Variants in DYSF observed in about 807,000 individuals in gnomAD.
DYSF encodes dysferlin.
In DYSF, 212 loss-of-function variants were observed where a neutral mutation model predicts 274.9. The observed-to-expected ratio is 0.77, with a 90% CI of 0.69 to 0.86. The LOEUF (loss-of-function observed/expected upper bound fraction) is 0.86, where lower values mean the gene tolerates loss of function less well. Among genes scored for constraint, DYSF ranks in the 40% least tolerant of loss-of-function variants. DYSF has a pLI of 0.00. For synonymous variants in DYSF, 1,091 were observed against 1,078.7 expected (o/e 1.01, Z -0.22); for missense variants, 2,666 against 2,783.2 (o/e 0.96, Z 0.95).
chr2:71,474,052 G>A (rs959212295), intron 1 of DYSF, among the ~76,000 whole-genome samples: 5 of 149,972 alleles, frequency 3.3e-5, no homozygotes, highest in Admixed American at 6.7e-5. Flanking sequence ...TCAGCCTCCC[G>A]AGTAGCTGGG....
chr2:71,647,240 A>T (rs1199756449), intron 42 of DYSF, among the ~76,000 whole-genome samples: 1 of 152,220 alleles, frequency 6.6e-6, no homozygotes, highest in Non-Finnish European at 1.5e-5. Flanking sequence ...ATGAAATTAA[A>T]GTTATAGCTT....
intron 1 of DYSF, among the ~76,000 whole-genome samples, chr2:71,473,341 C>CT (rs1308921880): frequency 1.3e-5 from 2 of 152,220 alleles, no homozygotes; most frequent in Non-Finnish European, 2.9e-5. Context: ...ATTTCTGTCA[C>CT]TTTCTTGGTC....
In DYSF at chr2:71,669,757, T is replaced by G; in HGVS notation, c.5784+11T>G. Reference sequence around the variant, plus strand: ...ACCATTGCCAAGAAGGTCAGTGTCCTTCCGATTCCCTGTGGTGCCAGCACC... The same window carrying G: ...ACCATTGCCAAGAAGGTCAGTGTCCGTCCGATTCCCTGTGGTGCCAGCACC... On this transcript the variant is annotated intron_variant, in intron 51 of 55. Coordinates refer to ENST00000410020, the MANE Select transcript of DYSF (RefSeq NM_001130987.2). The G allele has an allele frequency of 6.2e-7, 1 of 1,614,182 alleles. No homozygotes were observed. Among genetic ancestry groups the G allele is most frequent in the Non-Finnish European group, 8.5e-7 (1 of 1,180,024 alleles).
intron 51 of DYSF, among the ~76,000 whole-genome samples, chr2:71,670,420 C>T (rs1470799825): frequency 6.6e-6 from 1 of 152,232 alleles, no homozygotes; most frequent in Non-Finnish European, 1.5e-5. Context: ...ATGGTGTCCA[C>T]AGGATTGGGA....
In DYSF at chr2:71,555,965, G is replaced by A. The variant is rs529981096; in HGVS notation, c.2110G>A (p.Glu704Lys). The A allele has an allele frequency of 1.3e-6, 2 of 1,558,546 alleles. No individual in the cohort carries two copies. Among genetic ancestry groups the A allele is most frequent in the South Asian group, 2.4e-5 (2 of 84,598 alleles). ...NQLLGIADRL[E>K]AGLEQVHLAL... Reference sequence around the variant, plus strand: ...TGACCCTTGCCTGCCCATTCCACAGGAAGCTGGCCTGGAGCAGGTCCACCT... The same window carrying A: ...TGACCCTTGCCTGCCCATTCCACAGAAAGCTGGCCTGGAGCAGGTCCACCT... The change falls in exon 22 of 56, where the codon GAA becomes AAA. Residue 704 changes from glutamate to lysine, a missense_variant and splice_region_variant. Glu to Lys is a moderately conservative substitution (Grantham distance 56). Transcript: ENST00000410020.
intron 26 of DYSF, 134 bp downstream of exon 26, chr2:71,568,472 T>A: frequency 8.2e-7 from 1 of 1,219,640 alleles, no homozygotes; most frequent in Non-Finnish European, 1.2e-6. Flanking sequence ...GAACTTCCGC[T>A]GAACTCTCCC....
intron 1 of DYSF, among the ~76,000 whole-genome samples, chr2:71,468,844 C>A (rs2081743715): frequency 6.6e-6 from 1 of 152,202 alleles, no homozygotes; most frequent in African/African-American, 2.4e-5. Context: ...AGAGCAGTGA[C>A]CTGTCCTATT....
intron 30 of DYSF, 116 bp downstream of exon 30, chr2:71,574,487 G>A (rs1259131635): frequency 1.1e-5 from 14 of 1,295,992 alleles, no homozygotes; most frequent in South Asian, 5.8e-5. Context: ...TGGATGGAAC[G>A]CTGGCTGGTC....
chr2:71,665,383 A>G (rs1436887621), intron 47 of DYSF, 79 bp downstream of exon 47: 2 of 1,593,186 alleles, frequency 1.3e-6, no homozygotes, highest in Non-Finnish European at 1.7e-6. Context: ...CTGCTACCAT[A>G]AAAGACCCAA....
intron 13 of DYSF, 70 bp downstream of exon 13, chr2:71,526,416 GA>G: frequency 5.6e-5 from 29 of 513,656 alleles, no homozygotes; most frequent in Middle Eastern, 6.9e-4. Context: ...GGGGGTGGGC[GA>G]TGGCGGGCGG....
At chr2:71,454,377 G>C (rs2080963233) in intron 1 of DYSF, among the ~76,000 whole-genome samples, 1 of 152,214 alleles carries the variant, frequency 6.6e-6, no homozygotes, top group Admixed American at 6.5e-5. Flanking sequence ...ACCTTTTCGG[G>C]ATCTCTGAAA....
chr2:71,548,084 GA>G lies in DYSF; in HGVS notation c.1577-2954del, dbSNP rs1334152085. 2.0e-5 allele frequency among the ~76,000 whole-genome samples: 3 copies of G among 152,306 alleles called. No individual in the cohort carries two copies. The East Asian group carries it at 5.8e-4, about 29-fold the overall frequency. ...CAGAGCCCTGGCTCGCCCACAGAAGGAAACCTCTTGCTTTGGAGATGAAGGT... is the reference window on the plus strand; with the variant it reads ...CAGAGCCCTGGCTCGCCCACAGAAGGAACCTCTTGCTTTGGAGATGAAGGT... On this transcript the variant is annotated intron_variant, in intron 17 of 55. Transcript: ENST00000410020.
intron 32 of DYSF, among the ~76,000 whole-genome samples, chr2:71,596,266 C>T (rs187550347): frequency 2.8e-4 from 42 of 152,204 alleles, no homozygotes; most frequent in Admixed American, 3.3e-4. Flanking sequence ...TCAGCCTGCT[C>T]GGGGGCCAGC....
rs1005614411 is a variant in DYSF at position 71,454,037 on chromosome 2, C to T, written c.39C>T (p.His13=). 7 of 1,614,188 alleles carry T rather than the reference C, an allele frequency of 4.3e-6. No homozygotes were observed. In the Admixed American group the frequency reaches 5.0e-5, roughly 12 times the overall value. ...TCATCCTCTATGCCGAGAACGTCCACACACCCGACACCGACATCAGCGATG... is the reference window on the plus strand; with the variant it reads ...TCATCCTCTATGCCGAGAACGTCCATACACCCGACACCGACATCAGCGATG... Residue 13 remains histidine (H), a synonymous_variant, in exon 1 of 55, where the codon CAC becomes CAT. Coordinates refer to the DYSF transcript ENST00000258104.
At position 71,664,435 on chromosome 2, in the gene DYSF, G is replaced by A. The variant is rs777984362; in HGVS notation, c.5171G>A (p.Cys1724Tyr). Reference protein sequence around the residue: ...GARCGLPQTYCVSGPNQWRDQ... With the variant: ...GARCGLPQTYYVSGPNQWRDQ... The stretch of plus-strand genomic sequence containing the variant: ...CGCTGTGGACTCCCACAGACCTACT[G>A]TGTGTACGTGGATGGGGGCTGGCTG... Residue 1724 changes from cysteine (C) to tyrosine (Y), a missense_variant, in exon 46 of 56, where the codon TGT becomes TAT. Transcript: ENST00000410020. 1.2e-6 allele frequency: 2 copies of A among 1,614,142 alleles called. No homozygotes were observed. The highest frequency in any genetic ancestry group is 1.3e-5 in the African/African-American group (1 of 75,056).
chr2:71,520,339 G>T (rs962086583), intron 11 of DYSF, 131 bp downstream of exon 11: 2 of 1,047,438 alleles, frequency 1.9e-6, no homozygotes, highest in African/African-American at 3.1e-5. Context: ...TCTTGGGAGA[G>T]AAAGCAGGTC....
At chr2:71,668,911 G>T (rs1573092881) in intron 49 of DYSF, 69 bp downstream of exon 49, 2 of 1,519,062 alleles carry the variant, frequency 1.3e-6, no homozygotes, top group South Asian at 1.2e-5. Flanking sequence ...CTGTGGGCGG[G>T]ACTAGGCGGT....
chr2:71,658,812 G>A (rs2094824998), intron 43 of DYSF, 66 bp from the exon 44 acceptor site: 1 of 1,595,894 alleles, frequency 6.3e-7, no homozygotes, highest in African/African-American at 1.3e-5. Context: ...AGATTTGGGT[G>A]GGGACACAGC....
chr2:71,503,377 T>C, intron 4 of DYSF, 58 bp downstream of exon 4: 1 of 1,560,754 alleles, frequency 6.4e-7, no homozygotes, highest in Non-Finnish European at 8.8e-7. Flanking sequence ...GGTGGCTTCC[T>C]CTTTGGGCCT....
Sources: gnomAD v4.1 joint callset for allele counts (sites outside exome capture counted in the v4.1 genomes callset) on GRCh38, gnomAD v4.1.1 for gene constraint, MANE v1.5 for transcripts, NCBI Gene and HGNC (gene_info 2026-07-23, HGNC 2026-07-21) for gene names.